GAB4: variants seen among roughly 807,000 people sequenced by gnomAD.
GAB4 encodes GRB2-associated-binding protein 4.
In GAB4, 26 loss-of-function variants were observed where a neutral mutation model predicts 51.3. That is an observed-to-expected ratio of 0.51 (90% CI 0.37 to 0.70). GAB4 has a LOEUF of 0.70. Among genes scored for constraint, GAB4 ranks in the 30% least tolerant of loss-of-function variants. The pLI, the probability that GAB4 is intolerant of heterozygous loss-of-function variation, is 0.00. For missense variants in GAB4, 759 were observed against 734.6 expected (o/e 1.03, Z -0.38); for synonymous variants, 329 against 291.2 (o/e 1.13, Z -1.32).
At chr22:17,007,352 C>A (rs112225185) in intron 1 of GAB4, among the ~76,000 whole-genome samples, 5 of 152,360 alleles carry the variant, frequency 3.3e-5, no homozygotes, top group African/African-American at 1.2e-4. Context: ...GCAGTGCACA[C>A]TGTCCCTCAG....
chr22:16,965,125 C>T (rs890195526), intron 7 of GAB4, 53 bp downstream of exon 7: 1 of 1,339,416 alleles, frequency 7.5e-7, no homozygotes, highest in African/African-American at 1.5e-5. Context: ...CCATCCCACT[C>T]ACTCCTCCAC....
intron 1 of GAB4, among the ~76,000 whole-genome samples, chr22:17,000,288 AG>A (rs990792093): frequency 9.9e-5 from 15 of 152,170 alleles, no homozygotes; most frequent in Admixed American, 6.5e-5. Flanking sequence ...GTCTCTTTCT[AG>A]GTCTCTAAGT....
At chr22:16,963,904 GGCGTAGCTACGA>G in intron 8 of GAB4, 75 bp from the exon 9 acceptor site, 1 of 1,184,214 alleles carries the variant, frequency 8.4e-7, no homozygotes, top group Non-Finnish European at 1.2e-6. Flanking sequence ...CACACCTGTG[GGCGTAGCTACGA>G]GCCCACTGGG....
intron 1 of GAB4, among the ~76,000 whole-genome samples, chr22:17,000,810 A>G (rs2060991353): frequency 6.6e-6 from 1 of 152,206 alleles, no homozygotes; most frequent in African/African-American, 2.4e-5. Context: ...TGCTTCCTTC[A>G]GGAGCTCTTG....
chr22:16,988,308 G>A, intron 2 of GAB4, 141 bp from the exon 3 acceptor site: 1 of 678,576 alleles, frequency 1.5e-6, no homozygotes, highest in Non-Finnish European at 2.6e-6. Context: ...CCAGAGGAGG[G>A]CTGGGGCCTC....
chr22:16,998,492 T>G (rs1194873978), intron 1 of GAB4, among the ~76,000 whole-genome samples: 1 of 152,214 alleles, frequency 6.6e-6, no homozygotes, highest in Non-Finnish European at 1.5e-5. Flanking sequence ...TGCACATTGA[T>G]TTTGTATCCT....
rs576341172 is a variant in GAB4 at position 16,965,233 on chromosome 22, C to A, written c.1324G>T (p.Val442Phe). ...PTPPNLRNNRVINELSFKPPV... is the reference protein window; with the variant it reads ...PTPPNLRNNRFINELSFKPPV... Reference sequence around the variant, plus strand: ...GGCTTGAAGGAGAGCTCATTGATGACCCTGTTGTTTCTCAGGTTGGGCGGT... The same window carrying A: ...GGCTTGAAGGAGAGCTCATTGATGAACCTGTTGTTTCTCAGGTTGGGCGGT... Residue 442 changes from valine to phenylalanine, a missense_variant, in exon 7 of 10, where the codon GTC becomes TTC. By Grantham distance (50) the Val-to-Phe change is conservative. Transcript: ENST00000400588. 7.4e-6 allele frequency: 12 copies of A among 1,614,094 alleles called. No homozygotes were observed. The South Asian group carries it at 7.7e-5, about 10-fold the overall frequency.
chr22:16,966,329 A>C lies in GAB4; in HGVS notation c.1059T>G (p.Ile353Met). ...TGGGCACACAGCTGCCCTCAGAAGC[A>C]ATGCTGTCTGACAGGCCCACAAGCG... ...GRTLVGLSDSIASEGSCVPMN... is the reference protein window; with the variant it reads ...GRTLVGLSDSMASEGSCVPMN... Residue 353 changes from isoleucine (I) to methionine (M), a missense_variant, in exon 6 of 10, where the codon ATT (isoleucine) becomes ATG (methionine). This residue lies in a region of GAB4 where 588 missense variants were observed against 510.2 expected (regional missense o/e 1.15). Transcript: ENST00000400588. The C allele has an allele frequency of 1.2e-6, 2 of 1,613,520 alleles. No individual in the cohort carries two copies. Among genetic ancestry groups the C allele is most frequent in the Non-Finnish European group, 1.7e-6 (2 of 1,179,850 alleles).
intron 3 of GAB4, among the ~76,000 whole-genome samples, chr22:16,972,658 C>T (rs2060741738): frequency 6.6e-6 from 1 of 152,148 alleles, no homozygotes. Context: ...GCTCCAGCCT[C>T]TCAAGCCCAA....
Position 16,991,855 on chromosome 22 carries a change from C to A in GAB4, c.478+18G>T. On this transcript the variant is annotated intron_variant, in intron 2 of 9. Transcript: ENST00000400588. ...CATCTCAGCCCCTCCTGAGACAGGG[C>A]TGTGTGTGCTCCCATACCTGTGCTT... The A allele has an allele frequency of 6.3e-7, 1 of 1,592,300 alleles. No homozygotes were observed. Among genetic ancestry groups the A allele is most frequent in the South Asian group, 1.1e-5 (1 of 87,992 alleles).
chr22:16,989,484 A>C (rs1434685479), intron 2 of GAB4, among the ~76,000 whole-genome samples: 1 of 152,244 alleles, frequency 6.6e-6, no homozygotes, highest in Non-Finnish European at 1.5e-5. Flanking sequence ...CCAGTGAGCA[A>C]CAGAAACATA....
In GAB4 at chr22:16,962,255, A is replaced by G. The variant is rs1340894785; in HGVS notation, c.*478T>C. 1 of 152,780 alleles carries G rather than the reference A, an allele frequency of 6.5e-6. No homozygotes were observed. The highest frequency in any genetic ancestry group is 2.1e-4 in the South Asian group (1 of 4,832). The allele number at this position is 152,780 out of a possible 1,614,324, so 9.5% of individuals were successfully genotyped here. A position where few individuals can be genotyped will look rare whatever the true frequency, so the allele number is the denominator to read the frequency against. On this transcript the variant is annotated 3_prime_UTR_variant, in exon 10 of 10. Coordinates refer to ENST00000400588, the MANE Select transcript of GAB4 (RefSeq NM_001037814.1). Reference sequence around the variant, plus strand: ...AAGGATCTAATTCCTTTGCTTCTCAAGACCACCTTTAACCTTCCTTCTCAA... The same window carrying G: ...AAGGATCTAATTCCTTTGCTTCTCAGGACCACCTTTAACCTTCCTTCTCAA...
At chr22:16,977,982 A>G (rs1451518649) in intron 3 of GAB4, among the ~76,000 whole-genome samples, 1 of 117,958 alleles carries the variant, frequency 8.5e-6, no homozygotes, top group African/African-American at 3.2e-5. Context: ...TTTGAAACCA[A>G]TGAGAACAAA....
At chr22:16,978,962 C>T (rs2060804122) in intron 3 of GAB4, among the ~76,000 whole-genome samples, 1 of 152,086 alleles carries the variant, frequency 6.6e-6, no homozygotes, top group African/African-American at 2.4e-5. Context: ...GCAGAAAAGG[C>T]CTTCAATAAA....
At chr22:16,970,318 T>G (rs1446012348) in intron 3 of GAB4, 125 bp from the exon 4 acceptor site, 4 of 1,071,080 alleles carry the variant, frequency 3.7e-6, no homozygotes, top group Non-Finnish European at 5.4e-6. Context: ...GGAAGAGGAA[T>G]TGGGCAGACC....
intron 2 of GAB4, among the ~76,000 whole-genome samples, chr22:16,991,210 T>G (rs2060910887): frequency 6.6e-6 from 1 of 151,992 alleles, no homozygotes; most frequent in Non-Finnish European, 1.5e-5. Flanking sequence ...GGTAACTCAC[T>G]TGGCACAGGT....
intron 1 of GAB4, among the ~76,000 whole-genome samples, chr22:16,999,241 T>C (rs5994124): frequency 0.015 from 2,310 of 152,344 alleles, 65 homozygotes; most frequent in African/African-American, 0.052. Context: ...GTACCTCTGA[T>C]AGAATTCGGC....
chr22:16,991,799 G>A, intron 2 of GAB4, 74 bp downstream of exon 2: 1 of 1,284,146 alleles, frequency 7.8e-7, no homozygotes, highest in Non-Finnish European at 1.1e-6. Flanking sequence ...GGCAGCTAGA[G>A]CTGCCCTCCT....
chr22:16,964,488 T>G (rs2060654669), intron 8 of GAB4, among the ~76,000 whole-genome samples: 1 of 152,188 alleles, frequency 6.6e-6, no homozygotes, highest in Non-Finnish European at 1.5e-5. Flanking sequence ...ACTCTGCCTC[T>G]TCCAGGGCAG....
Sources: gnomAD v4.1 joint callset for allele counts (sites outside exome capture counted in the v4.1 genomes callset) on GRCh38, gnomAD v4.1.1 for gene constraint, gnomAD v4.1.1 regional missense constraint, MANE v1.5 for transcripts, NCBI Gene and HGNC (gene_info 2026-07-23, HGNC 2026-07-21) for gene names.